The following STS variants were observed in gnomAD, a reference collection of about 807,000 sequenced individuals.
The protein encoded by STS is steryl-sulfatase.
A neutral mutation model predicts 26.8 loss-of-function variants in STS; 7 were observed. That is an observed-to-expected ratio of 0.26 (90% CI 0.15 to 0.49). STS has a LOEUF of 0.49. STS is among the 20% of genes least tolerant of loss of function. The pLI, the probability that STS is intolerant of heterozygous loss-of-function variation, is 0.98. For synonymous variants in STS, 199 were observed against 189.4 expected (o/e 1.05, Z -0.42); for missense variants, 434 against 465.6 (o/e 0.93, Z 0.63).
intron 7 of STS, among the ~76,000 whole-genome samples, chrX:7,294,121 A>G (rs1294893651): frequency 9.0e-6 from 1 of 111,486 alleles, no homozygotes; most frequent in Non-Finnish European, 1.9e-5. Flanking sequence ...TTTAGCTTAT[A>G]AATCATTAAT....
chrX:7,315,247 T>G (rs891848046), intron 8 of STS, among the ~76,000 whole-genome samples: 1 of 112,582 alleles, frequency 8.9e-6, no homozygotes, highest in Non-Finnish European at 1.9e-5. Context: ...CTGTTGATAC[T>G]GTTGGAATGA....
rs1360826767 is a variant in STS, at chrX:7,177,505, G to A, written c.-133-13375G>A. ...TTTTTTTTTGGAGTTGGGACAGGGT[G>A]TCACTTTGTCACCCAGACTGTCATC... On this transcript the variant is annotated intron_variant, in intron 1 of 10. Transcript: ENST00000674429. Among the ~76,000 whole-genome samples the A allele has an allele frequency of 2.2e-4, 23 of 106,246 alleles. No individual in the cohort carries two copies. In the Admixed American group the frequency reaches 2.3e-3, roughly 11 times the overall value. The allele number at this position is 106,246 out of a possible 115,157, so 92.3% of individuals were successfully genotyped here. A position where few individuals can be genotyped will look rare whatever the true frequency, so the allele number is the denominator to read the frequency against.
At chrX:7,158,831 A>G (rs1933185671) in intron 1 of STS, among the ~76,000 whole-genome samples, 1 of 112,254 alleles carries the variant, frequency 8.9e-6, no homozygotes, top group Non-Finnish European at 1.9e-5. Context: ...ATGTGCTGGA[A>G]TTTTGACCAC....
At chrX:7,343,077 G>A (rs917048036) in intron 10 of STS, among the ~76,000 whole-genome samples, 2 of 111,239 alleles carry the variant, frequency 1.8e-5, no homozygotes, top group Non-Finnish European at 3.8e-5. Context: ...ATGTGAAATG[G>A]TTCTTGAAGA....
chrX:7,250,710 T>G (rs1444426306), intron 2 of STS, among the ~76,000 whole-genome samples: 1 of 112,513 alleles, frequency 8.9e-6, no homozygotes, highest in Non-Finnish European at 1.9e-5. Flanking sequence ...CATGTTAAAT[T>G]CAAGATACCA....
In STS at chrX:7,257,591, A is replaced by G. The variant is rs1254310129; in HGVS notation, c.382+3A>G. The G allele has an allele frequency of 2.5e-6, 3 of 1,210,204 alleles. No individual in the cohort carries two copies. The highest frequency in any genetic ancestry group is 1.7e-5 in the African/African-American group (1 of 57,388). On this transcript the variant is annotated splice_donor_region_variant and intron_variant, in intron 5 of 10. Coordinates refer to ENST00000674429, the MANE Select transcript of STS (RefSeq NM_001320752.2). ...AGGTTATTCAACAGCACTGATAGGT[A>G]TGGACATCTATGGGATGGGAACCAT...
chrX:7,301,061 C>T (rs1224580980), intron 7 of STS, among the ~76,000 whole-genome samples: 2 of 110,906 alleles, frequency 1.8e-5, no homozygotes, highest in African/African-American at 6.6e-5. Context: ...GTAAGGTGGG[C>T]ACTTCATAAA....
intron 6 of STS, 84 bp downstream of exon 6, chrX:7,259,856 T>TTTG (rs1172174856): frequency 6.3e-6 from 7 of 1,102,826 alleles, no homozygotes; most frequent in Middle Eastern, 2.6e-4. Flanking sequence ...CCAACAGGGT[T>TTTG]TTGTTGTTGT....
At chrX:7,174,664 G>A (rs895451717) in intron 1 of STS, among the ~76,000 whole-genome samples, 4 of 111,448 alleles carry the variant, frequency 3.6e-5, no homozygotes, top group East Asian at 2.8e-4. Context: ...CTCTTTTTGC[G>A]TTCTTCAGCA....
chrX:7,252,185 T>A (rs1375979322), intron 2 of STS: 1 of 402,550 alleles, frequency 2.5e-6, no homozygotes, highest in African/African-American at 2.8e-5. Context: ...AAAGAGAAAG[T>A]AGTGAGTTTT....
chrX:7,280,561 G>A (rs1924808911), intron 7 of STS, among the ~76,000 whole-genome samples: 1 of 112,060 alleles, frequency 8.9e-6, no homozygotes, highest in Non-Finnish European at 1.9e-5. Flanking sequence ...TTGGAGGCGT[G>A]TCATTCTGGC....
chrX:7,252,074 A>G (rs1337653574), intron 2 of STS, among the ~76,000 whole-genome samples: 2 of 110,769 alleles, frequency 1.8e-5, no homozygotes, highest in Admixed American at 9.6e-5. Flanking sequence ...ATTAACACCT[A>G]CCCCTGACTC....
intron 2 of STS, among the ~76,000 whole-genome samples, chrX:7,205,617 TC>T (rs1271320829): frequency 5.6e-5 from 6 of 106,358 alleles, no homozygotes; most frequent in Non-Finnish European, 1.2e-4. Context: ...TTCTTTTCTT[TC>T]GTTTTCTTTT....
chrX:7,220,024 C>T (rs1297220357), intron 2 of STS, among the ~76,000 whole-genome samples: 2 of 111,867 alleles, frequency 1.8e-5, no homozygotes, highest in Non-Finnish European at 3.8e-5. Context: ...TTTATTGCAT[C>T]AGGAGATGTC....
At chrX:7,347,841 G>C (rs1569234265) in intron 10 of STS, among the ~76,000 whole-genome samples, 1 of 111,891 alleles carries the variant, frequency 8.9e-6, no homozygotes, top group East Asian at 2.8e-4. Context: ...CTGTCAGCCT[G>C]TCTCCAAAAA....
intron 8 of STS, among the ~76,000 whole-genome samples, chrX:7,313,740 G>T (rs1274661944): frequency 8.9e-6 from 1 of 111,983 alleles, no homozygotes; most frequent in African/African-American, 3.2e-5. Context: ...AAGAATAAAG[G>T]GTCTCCGACT....
intron 1 of STS, among the ~76,000 whole-genome samples, chrX:7,161,122 A>ATTTTTTTT (rs62693360): frequency 2.0e-5 from 2 of 97,817 alleles, no homozygotes; most frequent in Non-Finnish European, 4.1e-5. Flanking sequence ...TGCCTGGCTA[A>ATTTTTTTT]TTTTTTTTTT....
At chrX:7,332,757 G>A (rs1398505225) in intron 9 of STS, among the ~76,000 whole-genome samples, 1 of 111,813 alleles carries the variant, frequency 8.9e-6, no homozygotes, top group East Asian at 2.8e-4. Flanking sequence ...GATGGAAACA[G>A]TATTTCAGGG....
At position 7,219,514 on chromosome X, in the gene STS, G is replaced by A. The variant is rs1601661746; in HGVS notation, c.-5+28506G>A. The A allele has an allele frequency of 1.0e-5, 12 of 1,162,107 alleles. No individual in the cohort carries two copies. In the East Asian group the frequency reaches 3.1e-4, roughly 30 times the overall value. On this transcript the variant is annotated intron_variant, in intron 2 of 10. Coordinates refer to ENST00000674429, the MANE Select transcript of STS (RefSeq NM_001320752.2). Reference sequence around the variant, plus strand: ...GGGACCCAGCTGTAGTGAGGTTGCAGTGATTGAGTAGGATTGGCCTGCTTC... The same window carrying A: ...GGGACCCAGCTGTAGTGAGGTTGCAATGATTGAGTAGGATTGGCCTGCTTC...
Sources: gnomAD v4.1 joint callset for allele counts (sites outside exome capture counted in the v4.1 genomes callset) on GRCh38, gnomAD v4.1.1 for gene constraint, MANE v1.5 for transcripts, NCBI Gene and HGNC (gene_info 2026-07-23, HGNC 2026-07-21) for gene names.